The following HTT variants were observed in gnomAD, a reference collection of about 807,000 sequenced individuals.
HTT encodes the protein huntingtin.
A neutral mutation model predicts 362.3 loss-of-function variants in HTT; 104 were observed. The ratio of observed to expected loss-of-function variants is 0.29; its 90% CI spans 0.24 to 0.34. The LOEUF (loss-of-function observed/expected upper bound fraction) is 0.34. Among genes scored for constraint, HTT ranks in the 10% least tolerant of loss-of-function variants. The probability of loss-of-function intolerance (pLI) is 1.00; values close to 1 mark genes in which losing one functional copy is unlikely to be tolerated. For missense variants in HTT, 3,301 were observed against 3,928.6 expected, an observed-to-expected ratio of 0.84 and a Z score of 4.27; for synonymous variants, 1,577 against 1,548.7, an observed-to-expected ratio of 1.02 and a Z score of -0.43.
At chr4:3,146,763 T>C (rs1716623519) in intron 24 of HTT, 34 bp from the exon 25 acceptor site, 1 of 1,601,726 alleles carries the variant, frequency 6.2e-7, no homozygotes, top group Non-Finnish European at 8.5e-7. Flanking sequence ...TTAAAAATTG[T>C]CTATAATTTG....
chr4:3,207,388 T>G (rs1260544320), intron 45 of HTT, 31 bp downstream of exon 45: 3 of 1,525,216 alleles, frequency 2.0e-6, no homozygotes, highest in Non-Finnish European at 2.7e-6. Context: ...CGTCCTTGTG[T>G]TAGGACAACC....
chr4:3,117,772 G>C (rs1284669984), intron 8 of HTT, among the ~76,000 whole-genome samples: 3 of 152,172 alleles, frequency 2.0e-5, no homozygotes, highest in Non-Finnish European at 4.4e-5. Context: ...GATCAAGGCT[G>C]CAGTGATCCA....
intron 51 of HTT, among the ~76,000 whole-genome samples, chr4:3,216,013 C>T (rs549998817): frequency 2.0e-5 from 3 of 152,330 alleles, no homozygotes; most frequent in East Asian, 3.9e-4. Context: ...TTACACAGCA[C>T]GCTTACCTGG....
intron 18 of HTT, 38 bp downstream of exon 18, chr4:3,132,949 G>A: frequency 7.1e-7 from 1 of 1,408,780 alleles, no homozygotes; most frequent in Non-Finnish European, 1.0e-6. Context: ...TCTTCACTTA[G>A]TGGACATTTT....
chr4:3,122,224 G>A (rs546043412), intron 9 of HTT, among the ~76,000 whole-genome samples: 2 of 152,334 alleles, frequency 1.3e-5, no homozygotes, highest in Admixed American at 1.3e-4. Context: ...AGTGAGCTTG[G>A]TGGGTCCTGT....
intron 1 of HTT, among the ~76,000 whole-genome samples, chr4:3,085,085 TGTGCCC>T (rs891105157): frequency 6.6e-6 from 1 of 151,856 alleles, no homozygotes; most frequent in African/African-American, 2.4e-5. Flanking sequence ...CTTACGCTTG[TGTGCCC>T]GTGCAGATTG....
Position 3,132,801 on chromosome 4 carries a change from T to A in HTT, c.2396-13T>A, listed in dbSNP as rs1163275775. 6 of 1,613,504 alleles carry A rather than the reference T, an allele frequency of 3.7e-6. No homozygotes were observed. Among genetic ancestry groups the A allele is most frequent in the Non-Finnish European group, 5.1e-6 (6 of 1,179,510 alleles). On this transcript the variant is annotated splice_polypyrimidine_tract_variant and intron_variant, in intron 17 of 66. Transcript: ENST00000355072. Reference sequence around the variant, plus strand: ...TTTAGATGATGATGTTTGTTGCTTGTTCTTCTGGTTAGGAAATACATTTTC... The same window carrying A: ...TTTAGATGATGATGTTTGTTGCTTGATCTTCTGGTTAGGAAATACATTTTC...
intron 33 of HTT, among the ~76,000 whole-genome samples, chr4:3,176,035 G>GTT (rs10690454): frequency 6.4e-5 from 9 of 141,154 alleles, no homozygotes; most frequent in African/African-American, 2.1e-4. Context: ...GTTTTTTTTT[G>GTT]TTTTTTTTTT....
chr4:3,142,715 A>C, intron 22 of HTT, 51 bp from the exon 23 acceptor site: 1 of 981,958 alleles, frequency 1.0e-6, no homozygotes, highest in African/African-American at 1.7e-5. Flanking sequence ...TTGATCTTTA[A>C]AAATATATGT....
rs550977105 is a variant in HTT, at chr4:3,076,376, T to G, written c.263+1288T>G. ...TAAGAATATCTCTGTTAAGACTGAT[T>G]AATTTTTAGTAATATTTCTTGTTCT... On this transcript the variant is annotated intron_variant, in intron 1 of 66. Coordinates refer to ENST00000355072, the MANE Select transcript of HTT (RefSeq NM_001388492.1). 5.3e-5 allele frequency among the ~76,000 whole-genome samples: 8 copies of G among 152,346 alleles called. No homozygotes were observed. The South Asian group carries it at 1.7e-3, about 32-fold the overall frequency.
intron 51 of HTT, among the ~76,000 whole-genome samples, chr4:3,217,326 C>T (rs362277): frequency 0.22 from 32,786 of 152,114 alleles, 6,282 homozygotes; most frequent in African/African-American, 0.52. Context: ...AGCACTCTGA[C>T]CTAGGAAAGC....
chr4:3,229,776 ATG>A, intron 59 of HTT, 109 bp from the exon 60 acceptor site: 2 of 1,158,838 alleles, frequency 1.7e-6, no homozygotes, highest in Non-Finnish European at 2.6e-6. Context: ...CCGCACAGTA[ATG>A]TCTCTTGGGT....
chr4:3,127,254 C>CT lies in HTT; in HGVS notation c.1403-9dup. 2 of 1,597,054 alleles carry CT rather than the reference C, an allele frequency of 1.3e-6. No homozygotes were observed. Among genetic ancestry groups the CT allele is most frequent in the Non-Finnish European group, 1.7e-6 (2 of 1,165,178 alleles). On this transcript the variant is annotated splice_polypyrimidine_tract_variant and intron_variant, in intron 11 of 66. Transcript: ENST00000355072. ...CGCCATTTGACAAATGAGTGTTTCT[C>CT]TGTCTTCAGCCTCAGTGAAGGATGA...
chr4:3,121,802 G>C (rs1715310399), intron 9 of HTT: 1 of 167,004 alleles, frequency 6.0e-6, no homozygotes, highest in African/African-American at 2.4e-5. Context: ...AGAGGTTGAG[G>C]CTGCAGTGAA....
In HTT at chr4:3,180,557, T is replaced by C. The variant is rs1718466744; in HGVS notation, c.4655T>C (p.Leu1552Ser). 1 of 1,612,740 alleles carries C rather than the reference T, an allele frequency of 6.2e-7. No individual in the cohort carries two copies. Among genetic ancestry groups the C allele is most frequent in the Non-Finnish European group, 8.5e-7 (1 of 1,179,462 alleles). The change falls in exon 36 of 67, where the codon TTA becomes TCA. Residue 1552 changes from leucine to serine, a missense_variant. Leu to Ser is a moderately radical substitution (Grantham distance 145, BLOSUM62 -2). This residue lies in a region of HTT where 2,316 missense variants were observed against 2,658.5 expected (regional missense o/e 0.87). Transcript: ENST00000355072. ...CCCATAGTCCACGACCTCTTTGTAT[T>C]AAGAGGAACAAATAAAGCTGATGCA... ...LQPIVHDLFV[L>S]RGTNKADAGK...
At chr4:3,223,900 CT>C in intron 55 of HTT, 91 bp from the exon 56 acceptor site, 1 of 1,391,288 alleles carries the variant, frequency 7.2e-7, no homozygotes, top group Non-Finnish European at 1.0e-6. Context: ...CACCAGGTTC[CT>C]TTAGGCAAAG....
intron 39 of HTT, 67 bp from the exon 40 acceptor site, chr4:3,188,884 G>A: frequency 7.1e-7 from 1 of 1,405,212 alleles, no homozygotes; most frequent in Non-Finnish European, 1.0e-6. Context: ...ATCTTTTCAT[G>A]TATACTTGGC....
intron 60 of HTT, among the ~76,000 whole-genome samples, chr4:3,232,745 G>T (rs541027998): frequency 2.0e-5 from 3 of 152,252 alleles, no homozygotes; most frequent in Non-Finnish European, 2.9e-5. Context: ...CGTGCAGGAC[G>T]CACTTAACTC....
rs6834346 is a variant in HTT, at chr4:3,199,690, C to T, written c.5369-42C>T. ...TTCGCGTAGCCATGTGGCACTGGACCGAGATGAAAGCAAAGACATTTCTCC... is the reference window on the plus strand; with the variant it reads ...TTCGCGTAGCCATGTGGCACTGGACTGAGATGAAAGCAAAGACATTTCTCC... On this transcript the variant is annotated intron_variant, in intron 40 of 66. Transcript: ENST00000355072. 9.9e-4 allele frequency: 1,562 copies of T among 1,576,220 alleles called. 13 individuals are homozygous for T. The African/African-American group carries it at 0.018, about 18-fold the overall frequency.
Sources: gnomAD v4.1 joint callset for allele counts (sites outside exome capture counted in the v4.1 genomes callset) on GRCh38, gnomAD v4.1.1 for gene constraint, gnomAD v4.1.1 regional missense constraint, MANE v1.5 for transcripts, NCBI Gene and HGNC (gene_info 2026-07-23, HGNC 2026-07-21) for gene names.